Variants in ZSWIM5 observed in about 807,000 individuals in gnomAD.
The protein encoded by ZSWIM5 is zinc finger SWIM-type containing 5.
ZSWIM5 carries 55 observed loss-of-function variants against 119.6 expected under a neutral mutation model. That is an observed-to-expected ratio of 0.46 (90% CI 0.37 to 0.58). ZSWIM5 has a LOEUF of 0.58. ZSWIM5 is among the 20% of genes least tolerant of loss of function. ZSWIM5 has a pLI of 0.00. For synonymous variants in ZSWIM5, 537 were observed against 606.9 expected (o/e 0.88, Z 1.69); for missense variants, 1,193 against 1,512.8 (o/e 0.79, Z 3.51).
At chr1:45,080,759 C>T (rs924831695) in intron 2 of ZSWIM5, among the ~76,000 whole-genome samples, 1 of 152,092 alleles carries the variant, frequency 6.6e-6, no homozygotes, top group African/African-American at 2.4e-5. Flanking sequence ...ATAAGAGGAA[C>T]TGAAGTCCTG....
At chr1:45,154,076 A>G (rs576650969) in intron 1 of ZSWIM5, among the ~76,000 whole-genome samples, 2 of 152,270 alleles carry the variant, frequency 1.3e-5, no homozygotes, top group South Asian at 4.1e-4. Flanking sequence ...AAACTACAAA[A>G]CACTGGCGAA....
chr1:45,018,140 C>G lies in ZSWIM5; in HGVS notation c.*314G>C, dbSNP rs41311195. ...GCAATCCCTGAGATGGAACAGTGTT[C>G]TGTGTTTGCCAAGGGAGACAGGGCC... On this transcript the variant is annotated 3_prime_UTR_variant, in exon 14 of 14. Transcript: ENST00000359600. The surrounding 1 kb of genome is among the most constrained non-coding windows in gnomAD (Gnocchi z 6.7). 0.091 allele frequency: 35,337 copies of G among 388,262 alleles called. 2,078 individuals carry two copies. The highest frequency in any genetic ancestry group is 0.14 in the Middle Eastern group (192 of 1,412). The allele number at this position is 388,262 out of a possible 1,614,324, so 24.1% of individuals were successfully genotyped here.
chr1:45,029,928 T>C (rs548477141), intron 11 of ZSWIM5, among the ~76,000 whole-genome samples: 5 of 152,284 alleles, frequency 3.3e-5, no homozygotes, highest in South Asian at 4.1e-4. Flanking sequence ...TTTGGACATA[T>C]AGCTGGTTCA....
intron 2 of ZSWIM5, among the ~76,000 whole-genome samples, chr1:45,074,553 T>C (rs2149006067): frequency 6.6e-6 from 1 of 152,044 alleles, no homozygotes; most frequent in South Asian, 2.1e-4. Context: ...TGAATTTCTG[T>C]GGTATCAGCT....
rs1557742575 is a variant in ZSWIM5 at position 45,035,776 on chromosome 1, G to C, written c.2203C>G (p.Pro735Ala). 2 of 1,613,872 alleles carry C rather than the reference G, an allele frequency of 1.2e-6. No individual in the cohort carries two copies. The highest frequency in any genetic ancestry group is 1.7e-6 in the Non-Finnish European group (2 of 1,180,010). Residue 735 changes from proline to alanine, a missense_variant, in exon 10 of 14, where the codon CCC becomes GCC. Pro to Ala is a conservative substitution (Grantham distance 27, BLOSUM62 -1). Around this residue, in one of 2 missense-constraint regions of ZSWIM5, gnomAD observed 961 missense variants for 1,290.0 expected, o/e 0.74. Transcript: ENST00000359600. ...LGEVIHRESV[P>A]MHTFAKYLFS... The stretch of plus-strand genomic sequence containing the variant: ...AAATACTTGGCAAAGGTATGCATGG[G>C]AACACTCTCTCGGTGGATGACTTCT...
chr1:45,039,690 A>T (rs1645007738), intron 7 of ZSWIM5, among the ~76,000 whole-genome samples: 1 of 148,666 alleles, frequency 6.7e-6, no homozygotes, highest in Admixed American at 6.8e-5. Context: ...TGGCATATTT[A>T]ATTTAATTTA....
At chr1:45,110,583 A>C (rs1645510443) in intron 1 of ZSWIM5, among the ~76,000 whole-genome samples, 1 of 152,224 alleles carries the variant, frequency 6.6e-6, no homozygotes. Context: ...ATCAAGAGCC[A>C]AGTAAGTTTC....
At chr1:45,115,459 G>GAT (rs1645548654) in intron 1 of ZSWIM5, among the ~76,000 whole-genome samples, 1 of 151,266 alleles carries the variant, frequency 6.6e-6, no homozygotes, top group African/African-American at 2.4e-5. Context: ...CCTTCCAGAC[G>GAT]GGGTGGCGGT....
At chr1:45,033,713 C>T (rs772901479) in intron 11 of ZSWIM5, among the ~76,000 whole-genome samples, 29 of 152,106 alleles carry the variant, frequency 1.9e-4, no homozygotes, top group Non-Finnish European at 3.7e-4. Context: ...ACAATGATCC[C>T]CATTTTATAG....
At chr1:45,205,350 G>A (rs1217974168) in intron 1 of ZSWIM5, among the ~76,000 whole-genome samples, 3 of 152,138 alleles carry the variant, frequency 2.0e-5, no homozygotes, top group Non-Finnish European at 1.5e-5. Flanking sequence ...GATTGCCTCT[G>A]ACAGTCTGTC....
At chr1:45,070,195 C>T in intron 2 of ZSWIM5, 1 of 1,404,726 alleles carries the variant, frequency 7.1e-7, no homozygotes, top group Non-Finnish European at 1.0e-6. Flanking sequence ...TGTCCATTTA[C>T]TTTGTAGGCC....
intron 11 of ZSWIM5, among the ~76,000 whole-genome samples, chr1:45,022,342 G>A (rs191482929): frequency 6.6e-6 from 1 of 152,082 alleles, no homozygotes; most frequent in East Asian, 2.0e-4. Context: ...GTGTTAGCCA[G>A]GATGGTCTCG....
At chr1:45,103,714 G>A (rs1645453680) in intron 1 of ZSWIM5, among the ~76,000 whole-genome samples, 1 of 152,158 alleles carries the variant, frequency 6.6e-6, no homozygotes. Context: ...AATGAAGGTG[G>A]GCTCATGAAC....
rs60638552 is a variant in ZSWIM5 at position 45,135,123 on chromosome 1, G to GT, written c.596-46887dup. On this transcript the variant is annotated intron_variant, in intron 1 of 13. Transcript: ENST00000359600. Reference sequence around the variant, plus strand: ...GATTGCTAGATCATACGGTAATTCTGTTTTTTTTTTTTTTTGAGGAACCTT... The same window carrying GT: ...GATTGCTAGATCATACGGTAATTCTGTTTTTTTTTTTTTTTTGAGGAACCTT... 9.5e-4 allele frequency among the ~76,000 whole-genome samples: 129 copies of GT among 135,132 alleles called. 1 individual carries two copies. The highest frequency in any genetic ancestry group is 7.3e-3 in the Middle Eastern group (2 of 274). The allele number at this position is 135,132 out of a possible 152,430, so 88.7% of individuals were successfully genotyped here. A position where few individuals can be genotyped will look rare whatever the true frequency, so the allele number is the denominator to read the frequency against.
At position 45,026,086 on chromosome 1, in the gene ZSWIM5, G is replaced by A. The variant is rs990565852; in HGVS notation, c.2450-5298C>T. ...TTTAAGCTCTTTTGCCCAGGCTGGA[G>A]TGCAGTAGTACAATCATGGTTCACT... is the stretch of plus-strand genomic sequence containing the variant. On this transcript the variant is annotated intron_variant, in intron 11 of 13. Transcript: ENST00000359600. Among the ~76,000 whole-genome samples the A allele has an allele frequency of 2.0e-5, 3 of 152,270 alleles. No homozygotes were observed. The South Asian group carries it at 6.2e-4, about 32-fold the overall frequency.
chr1:45,063,778 G>T (rs1379032262), intron 2 of ZSWIM5, among the ~76,000 whole-genome samples: 1 of 152,032 alleles, frequency 6.6e-6, no homozygotes, highest in Non-Finnish European at 1.5e-5. Context: ...GGATCATGAG[G>T]TCAGGAGATC....
At chr1:45,162,061 C>T (rs975006089) in intron 1 of ZSWIM5, among the ~76,000 whole-genome samples, 2 of 152,200 alleles carry the variant, frequency 1.3e-5, no homozygotes, top group African/African-American at 2.4e-5. Context: ...CCAATCTCTA[C>T]ACTGAGACCA....
chr1:45,135,392 G>A (rs1171683276), intron 1 of ZSWIM5, among the ~76,000 whole-genome samples: 7 of 152,128 alleles, frequency 4.6e-5, no homozygotes, highest in African/African-American at 9.7e-5. Context: ...CTTAAAAATG[G>A]TTAAGATGAT....
chr1:45,104,887 C>A (rs1238959718), intron 1 of ZSWIM5, among the ~76,000 whole-genome samples: 4 of 152,232 alleles, frequency 2.6e-5, no homozygotes, highest in African/African-American at 9.7e-5. Context: ...AACCACAGTT[C>A]AAGAACAATG....
Sources: allele counts gnomAD v4.1 joint callset (sites outside exome capture counted in the v4.1 genomes callset), GRCh38; gene constraint gnomAD v4.1.1; regional missense constraint gnomAD v4.1.1; non-coding constraint Gnocchi (gnomAD v3.1); transcripts MANE v1.5; gene names NCBI Gene and HGNC (gene_info 2026-07-23, HGNC 2026-07-21).